The following SPOCK1 variants were observed in gnomAD, a reference collection of about 807,000 sequenced individuals.
The protein encoded by SPOCK1 is testican-1.
SPOCK1 carries 23 observed loss-of-function variants against 55.3 expected under a neutral mutation model. That is an observed-to-expected ratio of 0.42 (90% CI 0.30 to 0.59). The LOEUF (loss-of-function observed/expected upper bound fraction) is 0.59. SPOCK1 is among the 20% of genes least tolerant of loss of function. The pLI is 0.22. For synonymous variants in SPOCK1, 226 were observed against 221.0 expected, an observed-to-expected ratio of 1.02 and a Z score of -0.20; for missense variants, 499 against 552.5, an observed-to-expected ratio of 0.90 and a Z score of 0.97.
chr5:137,167,992 G>C (rs1481622866), intron 3 of SPOCK1, among the ~76,000 whole-genome samples: 1 of 151,934 alleles, frequency 6.6e-6, no homozygotes, highest in East Asian at 1.9e-4. Context: ...ATAAATAAAT[G>C]AAATTGAAAC....
At chr5:137,070,366 G>T (rs1346015380) in intron 5 of SPOCK1, among the ~76,000 whole-genome samples, 2 of 152,218 alleles carry the variant, frequency 1.3e-5, no homozygotes, top group East Asian at 1.9e-4. Flanking sequence ...CCAACAGAAT[G>T]ACTTCCTTCC....
intron 4 of SPOCK1, among the ~76,000 whole-genome samples, chr5:137,139,165 A>G (rs1178449940): frequency 6.6e-6 from 1 of 152,222 alleles, no homozygotes; most frequent in Admixed American, 6.5e-5. Context: ...AAAGCACATT[A>G]TGATACCTTG....
chr5:137,327,657 A>T (rs1252429557), intron 2 of SPOCK1, among the ~76,000 whole-genome samples: 1 of 152,208 alleles, frequency 6.6e-6, no homozygotes, highest in Non-Finnish European at 1.5e-5. Flanking sequence ...ATTTTTACAC[A>T]CAAGCTGTGT....
At chr5:137,435,339 T>A (rs189630521) in intron 2 of SPOCK1, among the ~76,000 whole-genome samples, 117 of 152,350 alleles carry the variant, frequency 7.7e-4, no homozygotes, top group African/African-American at 2.8e-3. Context: ...ACCTGCCAAA[T>A]TGATTTATCT....
At chr5:137,113,353 C>T (rs1178703015) in intron 4 of SPOCK1, among the ~76,000 whole-genome samples, 1 of 152,138 alleles carries the variant, frequency 6.6e-6, no homozygotes, top group African/African-American at 2.4e-5. Flanking sequence ...CCAAGCAAAC[C>T]GCTTGGAGCG....
At chr5:137,260,679 T>G (rs962535519) in intron 3 of SPOCK1, among the ~76,000 whole-genome samples, 1 of 152,148 alleles carries the variant, frequency 6.6e-6, no homozygotes. Flanking sequence ...AACATTCAAT[T>G]TGATCAAACA....
chr5:137,258,766 G>T (rs558435817), intron 3 of SPOCK1, among the ~76,000 whole-genome samples: 2 of 152,168 alleles, frequency 1.3e-5, no homozygotes, highest in Non-Finnish European at 2.9e-5. Context: ...CGTGCTGAAA[G>T]AACCTCTTAA....
At chr5:137,210,841 C>T (rs1211082438) in intron 3 of SPOCK1, among the ~76,000 whole-genome samples, 1 of 152,204 alleles carries the variant, frequency 6.6e-6, no homozygotes, top group Admixed American at 6.5e-5. Flanking sequence ...ATATCTAGAC[C>T]CAAAATTGTC....
chr5:137,211,128 A>T (rs139051217), intron 3 of SPOCK1, among the ~76,000 whole-genome samples: 16 of 152,316 alleles, frequency 1.1e-4, no homozygotes, highest in African/African-American at 2.9e-4. Flanking sequence ...ATCTAATGCT[A>T]TTTCTTTGAA....
Position 137,067,804 on chromosome 5 carries a change from G to A in SPOCK1, c.500C>T (p.Ser167Phe), listed in dbSNP as rs989652121. The A allele has an allele frequency of 6.2e-7, 1 of 1,614,062 alleles. No individual in the cohort carries two copies. Among genetic ancestry groups the A allele is most frequent in the Non-Finnish European group, 8.5e-7 (1 of 1,179,998 alleles). ...GAGGGTGGCGAGGCTTTTGCCAGTA[G>A]AACAAGCATGGAACTCCAATTTGCA... Reference protein sequence around the residue: ...SKCKLEFHACSTGKSLATLCD... With the variant: ...SKCKLEFHACFTGKSLATLCD... Residue 167 changes from serine (S) to phenylalanine (F), a missense_variant, in exon 6 of 11, where the codon TCT becomes TTT. Ser to Phe is a radical substitution (Grantham distance 155). Coordinates refer to ENST00000394945, the MANE Select transcript of SPOCK1 (RefSeq NM_004598.4).
chr5:137,455,493 C>T (rs17794889), intron 2 of SPOCK1, among the ~76,000 whole-genome samples: 25,368 of 152,142 alleles, frequency 0.17, 2,665 homozygotes, highest in Admixed American at 0.29. Context: ...AGAATAGCTG[C>T]TTCTTGGAGC....
intron 5 of SPOCK1, among the ~76,000 whole-genome samples, chr5:137,090,831 T>C (rs139882160): frequency 6.6e-6 from 1 of 152,278 alleles, no homozygotes; most frequent in Non-Finnish European, 1.5e-5. Flanking sequence ...TACAACTTGA[T>C]TCTCCTGAGA....
At chr5:137,324,888 C>G (rs1052846099) in intron 2 of SPOCK1, among the ~76,000 whole-genome samples, 3 of 151,388 alleles carry the variant, frequency 2.0e-5, no homozygotes, top group Non-Finnish European at 2.9e-5. Context: ...CCCAAAATTT[C>G]GTTTCCAAAG....
intron 2 of SPOCK1, among the ~76,000 whole-genome samples, chr5:137,398,916 G>A (rs115011881): frequency 0.011 from 1,649 of 152,154 alleles, 21 homozygotes; most frequent in African/African-American, 0.038. Flanking sequence ...CATGCACCAC[G>A]CCAATTGGAT....
chr5:137,359,643 G>A (rs1750897641), intron 2 of SPOCK1, among the ~76,000 whole-genome samples: 1 of 152,184 alleles, frequency 6.6e-6, no homozygotes, highest in African/African-American at 2.4e-5. Context: ...GCAGGCCTTT[G>A]CTAATGAAAA....
chr5:137,488,869 G>T lies in SPOCK1; in HGVS notation c.186+9504C>A, dbSNP rs565960186. Among the ~76,000 whole-genome samples the T allele has an allele frequency of 2.3e-4, 35 of 152,250 alleles. No individual in the cohort carries two copies. The East Asian group carries it at 6.4e-3, about 28-fold the overall frequency. On this transcript the variant is annotated intron_variant, in intron 2 of 10. Transcript: ENST00000394945. ...TGATGTGTCCCAGATCACACAGGAAGGGTTTCAGAAGCATTACAAATCCTT... is the reference window on the plus strand; with the variant it reads ...TGATGTGTCCCAGATCACACAGGAATGGTTTCAGAAGCATTACAAATCCTT...
chr5:137,088,180 G>A (rs1192529972), intron 5 of SPOCK1, among the ~76,000 whole-genome samples: 6 of 152,140 alleles, frequency 3.9e-5, no homozygotes, highest in Admixed American at 3.9e-4. Context: ...CTGCCTCAAG[G>A]ACTAATCTGG....
intron 6 of SPOCK1, among the ~76,000 whole-genome samples, chr5:137,035,856 G>A (rs1299119988): frequency 6.6e-6 from 1 of 152,220 alleles, no homozygotes; most frequent in East Asian, 1.9e-4. Context: ...CCAATGCCAA[G>A]ATAGGAGCAG....
At chr5:137,181,375 G>C (rs1435197287) in intron 3 of SPOCK1, among the ~76,000 whole-genome samples, 7 of 152,212 alleles carry the variant, frequency 4.6e-5, no homozygotes, top group Admixed American at 3.9e-4. Flanking sequence ...AAAGGTATCT[G>C]CTTTAGGGTC....
Sources: gnomAD v4.1 joint callset for allele counts (sites outside exome capture counted in the v4.1 genomes callset) on GRCh38, gnomAD v4.1.1 for gene constraint, MANE v1.5 for transcripts, NCBI Gene and HGNC (gene_info 2026-07-23, HGNC 2026-07-21) for gene names.